PRSS3: variants seen among roughly 807,000 people sequenced by gnomAD.
PRSS3 encodes serine protease 3, also known as trypsin-3.
A neutral mutation model predicts 20.8 loss-of-function variants in PRSS3; 14 were observed. The ratio of observed to expected loss-of-function variants is 0.67; its 90% CI spans 0.44 to 1.05. The LOEUF is 1.05. Ranked by LOEUF, PRSS3 falls within the 50% of genes least tolerant of loss-of-function variation. The probability of loss-of-function intolerance (pLI) is 0.00; values close to 1 mark genes in which losing one functional copy is unlikely to be tolerated. For missense variants in PRSS3, 237 were observed against 306.4 expected, an observed-to-expected ratio of 0.77 and a Z score of 1.69; for synonymous variants, 91 against 117.6, an observed-to-expected ratio of 0.77 and a Z score of 1.46.
chr9:33,770,639 G>T (rs1277858025), intron 1 of PRSS3, among the ~76,000 whole-genome samples: 1 of 152,086 alleles, frequency 6.6e-6, no homozygotes, highest in Non-Finnish European at 1.5e-5. Flanking sequence ...ATTAGGGTGG[G>T]GCCCAAATGC....
chr9:33,751,039 C>T (rs1220433742), intron 1 of PRSS3, among the ~76,000 whole-genome samples: 3 of 152,086 alleles, frequency 2.0e-5, no homozygotes, highest in Non-Finnish European at 4.4e-5. Context: ...TCCGGCTGGC[C>T]GCGGCCCTGG....
chr9:33,769,057 T>C (rs1823568841), intron 1 of PRSS3, among the ~76,000 whole-genome samples: 1 of 152,142 alleles, frequency 6.6e-6, no homozygotes, highest in African/African-American at 2.4e-5. Context: ...ATTTGTTGAA[T>C]TGGATTCTCA....
At chr9:33,760,075 T>C (rs940648658) in intron 1 of PRSS3, among the ~76,000 whole-genome samples, 5 of 152,224 alleles carry the variant, frequency 3.3e-5, no homozygotes, top group African/African-American at 1.2e-4. Flanking sequence ...GGAGTGATCT[T>C]TCCATTATTA....
chr9:33,783,472 GA>G (rs1205536228), intron 1 of PRSS3, among the ~76,000 whole-genome samples: 3 of 152,158 alleles, frequency 2.0e-5, no homozygotes, highest in Non-Finnish European at 4.4e-5. Flanking sequence ...TGAATAGAAG[GA>G]TGGATAGATG....
At chr9:33,793,606 T>G, upstream of PRSS3, 3 of 803,278 alleles carry the variant, frequency 3.7e-6, no homozygotes, top group Non-Finnish European at 4.5e-6. Context: ...AGGAATCAGA[T>G]GCACAGTTTG....
chr9:33,789,720 T>C (rs193106833), intron 1 of PRSS3, among the ~76,000 whole-genome samples: 2 of 152,312 alleles, frequency 1.3e-5, no homozygotes, highest in Non-Finnish European at 2.9e-5. Flanking sequence ...CCATAGGAAG[T>C]TGACAAATTT....
At chr9:33,786,976 T>C (rs1163316101) in intron 1 of PRSS3, 1 of 580,014 alleles carries the variant, frequency 1.7e-6, no homozygotes, top group Non-Finnish European at 3.1e-6. Flanking sequence ...TCTGTGCTTG[T>C]AGGTGGGCAT....
In PRSS3 at chr9:33,798,059, G is replaced by C. The variant is rs1207846378; in HGVS notation, c.431G>C (p.Trp144Ser). 6.2e-7 allele frequency: 1 copy of C among 1,614,214 alleles called. No homozygotes were observed. Among genetic ancestry groups the C allele is most frequent in the Non-Finnish European group, 8.5e-7 (1 of 1,180,024 alleles). Reference sequence around the variant, plus strand: ...GGCACTGAGTGCCTCATCTCCGGCTGGGGCAACACTCTGAGCTTTGGTGGT... The same window carrying C: ...GGCACTGAGTGCCTCATCTCCGGCTCGGGCAACACTCTGAGCTTTGGTGGT... Reference protein sequence around the residue: ...AAGTECLISGWGNTLSFGADY... With the variant: ...AAGTECLISGSGNTLSFGADY... The change falls in exon 3 of 5, where the codon TGG (tryptophan) becomes TCG (serine). Residue 144 changes from tryptophan (W) to serine (S), a missense_variant. Physicochemically the swap from Trp to Ser is radical, Grantham distance 177. Transcript: ENST00000379405.
At chr9:33,775,848 G>T (rs1324383452) in intron 1 of PRSS3, among the ~76,000 whole-genome samples, 1 of 151,740 alleles carries the variant, frequency 6.6e-6, no homozygotes, top group Non-Finnish European at 1.5e-5. Context: ...GATTACAGGC[G>T]CCCACTACCA....
upstream of PRSS3, among the ~76,000 whole-genome samples, chr9:33,794,098 G>A (rs1364201067): frequency 1.3e-5 from 2 of 152,222 alleles, no homozygotes; most frequent in Admixed American, 6.5e-5. Flanking sequence ...TCAACTCCAC[G>A]GGCCCCACAT....
At position 33,770,514 on chromosome 9, in the gene PRSS3, T is replaced by G. The variant is rs1396773840; in HGVS notation, c.-53+19787T>G. ...TCAGGGAGCAGAGGACAGGGTGTTA[T>G]GGGCTGAGTATGCTCTCTCCAAATT... is the stretch of plus-strand genomic sequence containing the variant. On this transcript the variant is annotated intron_variant, in intron 1 of 5. Transcript: ENST00000342836. 5.3e-5 allele frequency among the ~76,000 whole-genome samples: 8 copies of G among 152,200 alleles called. No individual in the cohort carries two copies. The East Asian group carries it at 1.5e-3, about 29-fold the overall frequency.
At chr9:33,785,326 C>T (rs1587390756) in intron 1 of PRSS3, among the ~76,000 whole-genome samples, 1 of 150,426 alleles carries the variant, frequency 6.6e-6, no homozygotes, top group South Asian at 2.1e-4. Flanking sequence ...TACAGGCGCC[C>T]GCCACTACGC....
intron 1 of PRSS3, among the ~76,000 whole-genome samples, chr9:33,773,081 G>A (rs1239299762): frequency 4.0e-5 from 6 of 151,786 alleles, no homozygotes; most frequent in Non-Finnish European, 8.8e-5. Context: ...CCTTTCCTTG[G>A]CACCATTTCC....
upstream of PRSS3, among the ~76,000 whole-genome samples, chr9:33,792,227 G>C (rs1401326011): frequency 1.3e-5 from 2 of 152,208 alleles, no homozygotes; most frequent in Middle Eastern, 3.4e-3. Flanking sequence ...CGGGAAGACA[G>C]CCTAAAATCT....
In PRSS3 at chr9:33,795,615, C is replaced by A. The variant is rs756027884; in HGVS notation, c.40+2C>A. 5 of 1,503,414 alleles carry A rather than the reference C, an allele frequency of 3.3e-6. No individual in the cohort carries two copies. The East Asian group carries it at 9.2e-5, about 28-fold the overall frequency. 93.1% of individuals were successfully genotyped at this position (1,503,414 alleles called of 1,614,324 possible). A position where few individuals can be genotyped will look rare whatever the true frequency, so the allele number is the denominator to read the frequency against. On this transcript the variant is annotated splice_donor_variant, in intron 1 of 4. Coordinates refer to ENST00000379405, the MANE Select transcript of PRSS3 (RefSeq NM_002771.4). LOFTEE classifies it high-confidence loss of function. ...TCCTTGCCTTTGTGGGAGCTGCTGG[C>A]GAGTTTCATGACCTGCCTCAGGCCC...
chr9:33,766,563 ACT>A (rs1823439065), intron 1 of PRSS3, among the ~76,000 whole-genome samples: 1 of 152,106 alleles, frequency 6.6e-6, no homozygotes, highest in South Asian at 2.1e-4. Context: ...ACAGAGCAAG[ACT>A]CTGTCTCAAA....
At chr9:33,769,070 T>C (rs1252161573) in intron 1 of PRSS3, among the ~76,000 whole-genome samples, 2 of 152,184 alleles carry the variant, frequency 1.3e-5, no homozygotes, top group African/African-American at 4.8e-5. Flanking sequence ...GATTCTCATG[T>C]TTCATGGAAA....
chr9:33,756,586 ATT>A (rs1288423136), intron 1 of PRSS3, among the ~76,000 whole-genome samples: 3 of 151,964 alleles, frequency 2.0e-5, no homozygotes, highest in Non-Finnish European at 4.4e-5. Context: ...TATCTTTTTT[ATT>A]TTAAAAAAAT....
At chr9:33,778,842 C>T (rs553981304) in intron 1 of PRSS3, among the ~76,000 whole-genome samples, 1 of 152,258 alleles carries the variant, frequency 6.6e-6, no homozygotes, top group South Asian at 2.1e-4. Context: ...CCATCTCTCT[C>T]CCCCACCCAC....
Sources: gnomAD v4.1 joint callset for allele counts (sites outside exome capture counted in the v4.1 genomes callset) on GRCh38, gnomAD v4.1.1 for gene constraint, MANE v1.5 for transcripts, NCBI Gene and HGNC (gene_info 2026-07-23, HGNC 2026-07-21) for gene names.